The following ANK3 variants were observed in gnomAD, a reference collection of about 807,000 sequenced individuals.
ANK3 encodes ankyrin-3.
A neutral mutation model predicts 370.9 loss-of-function variants in ANK3; 57 were observed. That is an observed-to-expected ratio of 0.15 (90% CI 0.12 to 0.19). ANK3 has a LOEUF of 0.19. ANK3 is among the 10% of genes least tolerant of loss of function. ANK3 has a pLI of 1.00. For synonymous variants in ANK3, 1,929 were observed against 1,946.3 expected (o/e 0.99, Z 0.23); for missense variants, 4,439 against 5,302.1 (o/e 0.84, Z 5.06).
chr10:60,534,797 G>A (rs1316255313), intron 2 of ANK3, among the ~76,000 whole-genome samples: 7 of 152,066 alleles, frequency 4.6e-5, no homozygotes, highest in Non-Finnish European at 7.4e-5. Context: ...TCAAGTATGC[G>A]GAAAATGCAT....
At chr10:60,625,991 G>A (rs770267180) in intron 1 of ANK3, among the ~76,000 whole-genome samples, 1 of 151,774 alleles carries the variant, frequency 6.6e-6, no homozygotes, top group African/African-American at 2.4e-5. Context: ...GGAAAATAAG[G>A]GTTCTTATAT....
intron 38 of ANK3, among the ~76,000 whole-genome samples, chr10:60,067,241 A>G (rs2081834686): frequency 6.6e-6 from 1 of 152,204 alleles, no homozygotes; most frequent in South Asian, 2.1e-4. Context: ...ATTTATTTAC[A>G]TGTTTATCAT....
chr10:60,399,936 C>A lies in ANK3; in HGVS notation c.97-120297G>T, dbSNP rs1035029438. On this transcript the variant is annotated intron_variant, in intron 2 of 43. Coordinates refer to the ANK3 transcript ENST00000373827. The stretch of plus-strand genomic sequence containing the variant: ...CATTACCGAGTGTCCGTTGCATTAG[C>A]CCTTTTCTAGATGAAAATTAGCTTG... 2.0e-5 allele frequency among the ~76,000 whole-genome samples: 3 copies of A among 151,932 alleles called. 1 individual carries two copies. The highest frequency in any genetic ancestry group is 1.3e-4 in the Admixed American group (2 of 15,242).
At chr10:60,388,389 G>T (rs538820759) in intron 1 of ANK3, among the ~76,000 whole-genome samples, 1 of 152,154 alleles carries the variant, frequency 6.6e-6, no homozygotes, top group Non-Finnish European at 1.5e-5. Flanking sequence ...TGTGGGAGAT[G>T]CAATCTGCAT....
At chr10:60,494,481 C>T (rs1177343242) in intron 2 of ANK3, among the ~76,000 whole-genome samples, 1 of 152,066 alleles carries the variant, frequency 6.6e-6, no homozygotes, top group Non-Finnish European at 1.5e-5. Context: ...CACTTTTGAT[C>T]ATTGTATTAA....
At chr10:60,584,738 T>A (rs937375473) in intron 2 of ANK3, among the ~76,000 whole-genome samples, 5 of 152,210 alleles carry the variant, frequency 3.3e-5, no homozygotes, top group Admixed American at 2.6e-4. Context: ...GAAGTTCCAA[T>A]TGTTTCCTGA....
chr10:60,042,975 T>C (rs999213403), intron 42 of ANK3: 8 of 1,327,354 alleles, frequency 6.0e-6, no homozygotes, highest in African/African-American at 4.5e-5. Context: ...TACAACATAA[T>C]TGTACTTGAC....
intron 1 of ANK3, among the ~76,000 whole-genome samples, chr10:60,309,247 G>A (rs574316343): frequency 2.2e-4 from 33 of 152,282 alleles, no homozygotes; most frequent in African/African-American, 6.3e-4. Context: ...ATTTCTTGAC[G>A]ATCAAACTGT....
chr10:60,030,063 G>A (rs1004218218), intron 43 of ANK3, among the ~76,000 whole-genome samples: 1 of 151,770 alleles, frequency 6.6e-6, no homozygotes, highest in Non-Finnish European at 1.5e-5. Context: ...TTAGAAGGCA[G>A]TGAGCTTTTC....
At chr10:60,423,777 T>A (rs903707551) in intron 2 of ANK3, among the ~76,000 whole-genome samples, 5 of 152,044 alleles carry the variant, frequency 3.3e-5, no homozygotes, top group African/African-American at 1.2e-4. Context: ...AATAAATGTA[T>A]GAAAACCCAG....
At chr10:60,538,106 G>A (rs2076765271) in intron 2 of ANK3, among the ~76,000 whole-genome samples, 1 of 151,648 alleles carries the variant, frequency 6.6e-6, no homozygotes, top group South Asian at 2.1e-4. Flanking sequence ...ATATCCATGG[G>A]GCCGCCAACC....
At position 60,101,904 on chromosome 10, in the gene ANK3, G is replaced by A. The variant is rs562486333; in HGVS notation, c.3328+4001C>T. Among the ~76,000 whole-genome samples, 11 of 152,056 alleles carry A rather than the reference G, an allele frequency of 7.2e-5. No homozygotes were observed. In the South Asian group the frequency reaches 2.3e-3, roughly 32 times the overall value. On this transcript the variant is annotated intron_variant, in intron 28 of 43. Transcript: ENST00000280772. ...CAGCTGACATATATGTGGCTCTTTT[G>A]TTCTACACAAAGCACTTTCACAGGC...
At chr10:60,572,632 C>A in intron 2 of ANK3, 1 of 1,480,416 alleles carries the variant, frequency 6.8e-7, no homozygotes, top group South Asian at 1.4e-5. Context: ...AGTCCATTTA[C>A]GGGTGCTCCC....
chr10:60,635,353 G>A (rs557348153), intron 1 of ANK3, among the ~76,000 whole-genome samples: 1 of 151,932 alleles, frequency 6.6e-6, no homozygotes, highest in Non-Finnish European at 1.5e-5. Context: ...TCCCAGCCCG[G>A]CATGAATCTT....
chr10:60,658,396 C>G (rs1443005247), intron 1 of ANK3, among the ~76,000 whole-genome samples: 1 of 151,696 alleles, frequency 6.6e-6, no homozygotes, highest in Non-Finnish European at 1.5e-5. Context: ...TTTAAATTAC[C>G]CTTTTCTAAT....
intron 18 of ANK3, among the ~76,000 whole-genome samples, chr10:60,180,574 AAC>A (rs1375749985): frequency 7.2e-6 from 1 of 138,204 alleles, no homozygotes; most frequent in Non-Finnish European, 1.5e-5. Context: ...CCAGCCTGGT[AAC>A]AGAGTGAGAC....
At chr10:60,576,424 T>C (rs2077683729) in intron 2 of ANK3, among the ~76,000 whole-genome samples, 1 of 152,206 alleles carries the variant, frequency 6.6e-6, no homozygotes, top group Admixed American at 6.5e-5. Context: ...TTGGGGTTAT[T>C]AGGAAGCAAA....
chr10:60,138,665 A>ATATATTTGAAATATGT, intron 24 of ANK3: 1 of 472,358 alleles, frequency 2.1e-6, no homozygotes, highest in Non-Finnish European at 3.7e-6. Flanking sequence ...TATGTGACTC[A>ATATATTTGAAATATGT]GATTGGTTCT....
intron 28 of ANK3, among the ~76,000 whole-genome samples, chr10:60,104,311 T>C (rs1284941619): frequency 7.6e-6 from 1 of 131,538 alleles, no homozygotes; most frequent in Non-Finnish European, 1.5e-5. Flanking sequence ...TGAGCTGAGA[T>C]TGTGCCACGG....
Sources: allele counts gnomAD v4.1 joint callset (sites outside exome capture counted in the v4.1 genomes callset), GRCh38; gene constraint gnomAD v4.1.1; transcripts MANE v1.5; gene names NCBI Gene and HGNC (gene_info 2026-07-23, HGNC 2026-07-21).